The following ARAP2 variants were observed in gnomAD, a reference collection of about 807,000 sequenced individuals.
ARAP2 encodes the protein arf-GAP with Rho-GAP domain, ANK repeat and PH domain-containing protein 2.
A neutral mutation model predicts 194.5 loss-of-function variants in ARAP2; 148 were observed. That is an observed-to-expected ratio of 0.76 (90% CI 0.67 to 0.87). ARAP2 has a LOEUF of 0.87. Among genes scored for constraint, ARAP2 ranks in the 40% least tolerant of loss-of-function variants. ARAP2 has a pLI of 0.00. For synonymous variants in ARAP2, 695 were observed against 683.5 expected, an observed-to-expected ratio of 1.02 and a Z score of -0.26; for missense variants, 2,128 against 1,989.7, an observed-to-expected ratio of 1.07 and a Z score of -1.32.
chr4:36,076,225 C>A (rs962284134), intron 31 of ARAP2, among the ~76,000 whole-genome samples: 2 of 152,080 alleles, frequency 1.3e-5, no homozygotes, highest in South Asian at 4.1e-4. Flanking sequence ...ACAGTCTCTG[C>A]TGTATGATGA....
intron 28 of ARAP2, among the ~76,000 whole-genome samples, chr4:36,088,711 C>G (rs548427192): frequency 6.6e-6 from 1 of 152,180 alleles, no homozygotes; most frequent in African/African-American, 2.4e-5. Context: ...CATGGAGGCT[C>G]CCCTGCTGGA....
At chr4:36,218,889 AAAC>A (rs1203355707) in intron 2 of ARAP2, among the ~76,000 whole-genome samples, 1 of 152,224 alleles carries the variant, frequency 6.6e-6, no homozygotes, top group Non-Finnish European at 1.5e-5. Flanking sequence ...ATGCAATTTA[AAAC>A]AACCAAAACC....
At chr4:36,014,029 C>A (rs1715056524) in intron 8 of ARAP2, among the ~76,000 whole-genome samples, 1 of 151,764 alleles carries the variant, frequency 6.6e-6, no homozygotes, top group Non-Finnish European at 1.5e-5. Flanking sequence ...GAGTTCAAAG[C>A]CAGCCTGGGC....
At chr4:36,157,962 G>A (rs550591056) in intron 15 of ARAP2, among the ~76,000 whole-genome samples, 10 of 152,194 alleles carry the variant, frequency 6.6e-5, no homozygotes, top group East Asian at 1.9e-4. Context: ...TCCCGAGCCC[G>A]ATCAATGGCC....
chr4:36,184,282 T>C (rs1243751726), intron 8 of ARAP2, among the ~76,000 whole-genome samples: 3 of 148,414 alleles, frequency 2.0e-5, no homozygotes, highest in East Asian at 3.9e-4. Flanking sequence ...TAAACATATA[T>C]ATATATATAT....
At chr4:36,124,729 T>C in intron 22 of ARAP2, 133 bp downstream of exon 22, 1 of 526,548 alleles carries the variant, frequency 1.9e-6, no homozygotes, top group Non-Finnish European at 3.4e-6. Flanking sequence ...TATCTGTAAA[T>C]GTGACTTAAT....
At chr4:36,240,219 A>G (rs1350291612) in intron 1 of ARAP2, among the ~76,000 whole-genome samples, 2 of 152,170 alleles carry the variant, frequency 1.3e-5, no homozygotes, top group Admixed American at 1.3e-4. Context: ...ATATTAATTC[A>G]CCCATTGTAT....
intron 8 of ARAP2, among the ~76,000 whole-genome samples, chr4:36,013,692 GAAT>G (rs1223513042): frequency 1.3e-5 from 2 of 152,010 alleles, no homozygotes; most frequent in African/African-American, 4.8e-5. Flanking sequence ...ATACATTAGA[GAAT>G]AATAACCTAC....
Position 36,067,744 on chromosome 4 carries a change from T to C in ARAP2, c.*163A>G. 2 of 695,146 alleles carry C rather than the reference T, an allele frequency of 2.9e-6. No individual in the cohort carries two copies. Among genetic ancestry groups the C allele is most frequent in the Non-Finnish European group, 4.6e-6 (2 of 433,698 alleles). 43.1% of individuals were successfully genotyped at this position (695,146 alleles called of 1,614,324 possible). The stretch of plus-strand genomic sequence containing the variant: ...AAAGTTAATCTTACATTCAGTCACA[T>C]ATATACATATTTTTAAATGCTCCTT... On this transcript the variant is annotated 3_prime_UTR_variant, in exon 33 of 33. Transcript: ENST00000303965.
At chr4:36,159,905 T>C (rs2109774212) in intron 13 of ARAP2, among the ~76,000 whole-genome samples, 1 of 152,292 alleles carries the variant, frequency 6.6e-6, no homozygotes, top group East Asian at 1.9e-4. Context: ...TCCAATCTAA[T>C]CAGGAGCTGC....
chr4:36,057,248 T>C (rs915156185), intron 2 of ARAP2, among the ~76,000 whole-genome samples: 2 of 151,914 alleles, frequency 1.3e-5, no homozygotes, highest in African/African-American at 4.8e-5. Context: ...TGTCATTGTA[T>C]TGTTATTACT....
intron 27 of ARAP2, among the ~76,000 whole-genome samples, chr4:36,103,640 T>C (rs1348043832): frequency 1.3e-5 from 2 of 151,722 alleles, no homozygotes; most frequent in Admixed American, 6.6e-5. Flanking sequence ...ATAATGGCAA[T>C]GGCACAAAAT....
At chr4:36,062,057 G>A (rs1724528576), downstream of ARAP2, among the ~76,000 whole-genome samples, 1 of 152,182 alleles carries the variant, frequency 6.6e-6, no homozygotes, top group South Asian at 2.1e-4. Context: ...TCCCTTGACA[G>A]TTGGATAGTT....
chr4:36,231,870 A>G (rs1037887401), intron 1 of ARAP2, among the ~76,000 whole-genome samples: 1 of 152,314 alleles, frequency 6.6e-6, no homozygotes. Context: ...CCTATCTTGA[A>G]GCCCTAACCT....
chr4:36,203,116 G>C (rs1017626635), intron 6 of ARAP2, among the ~76,000 whole-genome samples: 2 of 152,236 alleles, frequency 1.3e-5, no homozygotes, highest in East Asian at 3.9e-4. Flanking sequence ...TTGGAAAACT[G>C]TCTCTCCACC....
chr4:36,028,874 A>T (rs573198470), intron 5 of ARAP2, among the ~76,000 whole-genome samples: 1 of 151,866 alleles, frequency 6.6e-6, no homozygotes, highest in South Asian at 2.1e-4. Flanking sequence ...TATAACAGAG[A>T]TTTTTCCTCA....
At chr4:36,035,576 A>C (rs1225248125) in intron 5 of ARAP2, among the ~76,000 whole-genome samples, 2 of 152,132 alleles carry the variant, frequency 1.3e-5, no homozygotes, top group African/African-American at 4.8e-5. Flanking sequence ...GCCTATTTAC[A>C]TCTCCAGCAG....
intron 5 of ARAP2, among the ~76,000 whole-genome samples, chr4:36,025,481 G>C (rs546636163): frequency 1.3e-5 from 2 of 152,172 alleles, no homozygotes; most frequent in Admixed American, 6.5e-5. Flanking sequence ...GCGTGGAATT[G>C]ATTATTTTTT....
At chr4:36,204,696 A>C (rs1578265583) in intron 6 of ARAP2, among the ~76,000 whole-genome samples, 1 of 152,302 alleles carries the variant, frequency 6.6e-6, no homozygotes, top group South Asian at 2.1e-4. Flanking sequence ...ACATATTAAA[A>C]ATTAAGCAAA....
Sources: gnomAD v4.1 joint callset for allele counts (sites outside exome capture counted in the v4.1 genomes callset) on GRCh38, gnomAD v4.1.1 for gene constraint, MANE v1.5 for transcripts, NCBI Gene and HGNC (gene_info 2026-07-23, HGNC 2026-07-21) for gene names.